PAK5: variants seen among roughly 807,000 people sequenced by gnomAD.
PAK5 encodes p21 (RAC1) activated kinase 5, also known as serine/threonine-protein kinase PAK 5.
PAK5 carries 16 observed loss-of-function variants against 65.9 expected under a neutral mutation model. The observed-to-expected ratio is 0.24, with a 90% CI of 0.16 to 0.37. PAK5 has a LOEUF of 0.37. Ranked by LOEUF, PAK5 falls within the 10% of genes least tolerant of loss-of-function variation. The pLI, the probability that PAK5 is intolerant of heterozygous loss-of-function variation, is 1.00. For missense variants in PAK5, 785 were observed against 903.9 expected, an observed-to-expected ratio of 0.87 and a Z score of 1.69; for synonymous variants, 371 against 354.9, an observed-to-expected ratio of 1.05 and a Z score of -0.51.
intron 2 of PAK5, among the ~76,000 whole-genome samples, chr20:9,666,521 A>T (rs574525778): frequency 6.6e-6 from 1 of 152,064 alleles, no homozygotes; most frequent in South Asian, 2.1e-4. Flanking sequence ...CCGTGGAGAC[A>T]AGTTCTGTTC....
At chr20:9,690,535 G>C (rs1036692295) in intron 2 of PAK5, among the ~76,000 whole-genome samples, 4 of 151,948 alleles carry the variant, frequency 2.6e-5, no homozygotes, top group Non-Finnish European at 5.9e-5. Context: ...GAGAAAGTGA[G>C]TACCGTGGGC....
intron 3 of PAK5, among the ~76,000 whole-genome samples, chr20:9,617,214 A>T (rs2046673619): frequency 6.6e-6 from 1 of 152,192 alleles, no homozygotes. Flanking sequence ...CTGATGTGTG[A>T]GCTGTACGAA....
chr20:9,759,055 C>T (rs189012380), intron 1 of PAK5, among the ~76,000 whole-genome samples: 276 of 152,164 alleles, frequency 1.8e-3, no homozygotes, highest in Non-Finnish European at 3.4e-3. Flanking sequence ...ATTTGCTTGG[C>T]TCCTAGGAAC....
intron 3 of PAK5, among the ~76,000 whole-genome samples, chr20:9,600,972 G>A (rs1415055531): frequency 6.6e-6 from 1 of 152,172 alleles, no homozygotes; most frequent in Non-Finnish European, 1.5e-5. Flanking sequence ...CTCTTCTGGA[G>A]GTTAAGAGTC....
intron 7 of PAK5, among the ~76,000 whole-genome samples, chr20:9,550,246 G>C (rs72623518): frequency 0.084 from 12,765 of 152,118 alleles, 730 homozygotes; most frequent in East Asian, 0.29. Flanking sequence ...CAGCCTGTAG[G>C]GCACCTTTTC....
chr20:9,552,459 A>C (rs57859086), intron 7 of PAK5, among the ~76,000 whole-genome samples: 51,269 of 152,128 alleles, frequency 0.34, 11,455 homozygotes, highest in African/African-American at 0.65. Flanking sequence ...TTTTACACAC[A>C]TTACATTATT....
At position 9,538,055 on chromosome 20, in the gene PAK5, A is replaced by G; in HGVS notation, c.*1407T>C. On this transcript the variant is annotated 3_prime_UTR_variant, in exon 10 of 10. Transcript: ENST00000353224. ...ACAAATGGCTTTTGTCTGATGCATA[A>G]TTAATAGAAACTAATGATGACTATG... 1 of 232,996 alleles carries G rather than the reference A, an allele frequency of 4.3e-6. No individual in the cohort carries two copies. The highest frequency in any genetic ancestry group is 8.5e-6 in the Non-Finnish European group (1 of 117,668). The allele number at this position is 232,996 out of a possible 1,614,324, so 14.4% of individuals were successfully genotyped here.
chr20:9,800,236 A>G (rs1304094896), intron 1 of PAK5, among the ~76,000 whole-genome samples: 2 of 152,108 alleles, frequency 1.3e-5, no homozygotes, highest in African/African-American at 2.4e-5. Flanking sequence ...GAGGATTCTA[A>G]GCTTCATTTT....
intron 3 of PAK5, among the ~76,000 whole-genome samples, chr20:9,642,516 C>T (rs1284599074): frequency 6.6e-6 from 1 of 152,142 alleles, no homozygotes. Flanking sequence ...GGGCACACTG[C>T]TCATTGCATT....
intron 1 of PAK5, among the ~76,000 whole-genome samples, chr20:9,777,371 T>C (rs2048897662): frequency 6.6e-6 from 1 of 152,200 alleles, no homozygotes; most frequent in Non-Finnish European, 1.5e-5. Flanking sequence ...GGGCAGGTTT[T>C]TCCAGTGCTG....
chr20:9,546,935 C>A (rs965618028), intron 7 of PAK5, among the ~76,000 whole-genome samples: 1 of 152,166 alleles, frequency 6.6e-6, no homozygotes, highest in Non-Finnish European at 1.5e-5. Context: ...TATTACTATT[C>A]TCTACAGTGG....
At chr20:9,638,171 G>A (rs911591636) in intron 3 of PAK5, among the ~76,000 whole-genome samples, 4 of 152,166 alleles carry the variant, frequency 2.6e-5, no homozygotes, top group Admixed American at 6.5e-5. Flanking sequence ...AAACAAATAC[G>A]ACCATTCAAC....
chr20:9,550,325 G>A (rs2045407639), intron 7 of PAK5, among the ~76,000 whole-genome samples: 1 of 152,176 alleles, frequency 6.6e-6, no homozygotes, highest in African/African-American at 2.4e-5. Context: ...CCAGCCACCA[G>A]TAGGACCAGT....
At chr20:9,830,085 A>G (rs1978588675) in intron 1 of PAK5, among the ~76,000 whole-genome samples, 1 of 152,216 alleles carries the variant, frequency 6.6e-6, no homozygotes, top group Non-Finnish European at 1.5e-5. Flanking sequence ...CAAAGAGCTC[A>G]AGGGGTCTTT....
chr20:9,619,772 T>C (rs542878206), intron 3 of PAK5, among the ~76,000 whole-genome samples: 1 of 152,332 alleles, frequency 6.6e-6, no homozygotes, highest in South Asian at 2.1e-4. Context: ...AGTCATTCAA[T>C]GTTTGAAGAA....
intron 1 of PAK5, among the ~76,000 whole-genome samples, chr20:9,773,183 G>C (rs1319060181): frequency 2.0e-5 from 3 of 152,140 alleles, no homozygotes; most frequent in Non-Finnish European, 2.9e-5. Flanking sequence ...ATCTCCACTT[G>C]AATAATCACA....
chr20:9,825,833 A>G (rs1259396459), intron 1 of PAK5, among the ~76,000 whole-genome samples: 6 of 152,198 alleles, frequency 3.9e-5, no homozygotes, highest in South Asian at 2.1e-4. Context: ...GTTGGTCCAT[A>G]TTTTTGGGAA....
At chr20:9,652,449 T>G (rs527237896) in intron 2 of PAK5, among the ~76,000 whole-genome samples, 3 of 152,304 alleles carry the variant, frequency 2.0e-5, no homozygotes, top group African/African-American at 7.2e-5. Context: ...AAAAAATCAT[T>G]ATGTGTCAAA....
chr20:9,618,693 G>A (rs2046708226), intron 3 of PAK5, among the ~76,000 whole-genome samples: 1 of 151,774 alleles, frequency 6.6e-6, no homozygotes, highest in Non-Finnish European at 1.5e-5. Flanking sequence ...GATTACAGGC[G>A]TGAGCCACTG....
Sources: gnomAD v4.1 joint callset for allele counts (sites outside exome capture counted in the v4.1 genomes callset) on GRCh38, gnomAD v4.1.1 for gene constraint, MANE v1.5 for transcripts, NCBI Gene and HGNC (gene_info 2026-07-23, HGNC 2026-07-21) for gene names.